RNF220: variants seen among roughly 807,000 people sequenced by gnomAD.
The protein encoded by RNF220 is E3 ubiquitin-protein ligase RNF220.
Under a neutral mutation model 67.1 loss-of-function variants are expected in RNF220, and 7 were observed. That is an observed-to-expected ratio of 0.10 (90% CI 0.06 to 0.20). RNF220 has a LOEUF of 0.20. Ranked by LOEUF, RNF220 falls within the 10% of genes least tolerant of loss-of-function variation. The pLI, the probability that RNF220 is intolerant of heterozygous loss-of-function variation, is 1.00. For missense variants in RNF220, 565 were observed against 740.3 expected, an observed-to-expected ratio of 0.76 and a Z score of 2.75; for synonymous variants, 270 against 283.2, an observed-to-expected ratio of 0.95 and a Z score of 0.47.
chr1:44,472,609 A>G (rs1319312433), intron 2 of RNF220, among the ~76,000 whole-genome samples: 1 of 152,156 alleles, frequency 6.6e-6, no homozygotes, highest in Admixed American at 6.5e-5. Context: ...ATGGTTCCCA[A>G]TTGCCTACAG....
At position 44,615,963 on chromosome 1, in the gene RNF220, C is replaced by T. The variant is rs775427192; in HGVS notation, c.758+1666C>T. Among the ~76,000 whole-genome samples the T allele has an allele frequency of 2.6e-5, 4 of 152,180 alleles. No homozygotes were observed. The East Asian group carries it at 5.8e-4, about 22-fold the overall frequency. On this transcript the variant is annotated intron_variant, in intron 3 of 14. Transcript: ENST00000361799. ...GCAGTCAAGATGTCAACCAAGGCAA[C>T]GGTCATCTGAAGATCTGACTGGGAC...
chr1:44,597,779 T>G (rs912318422), intron 2 of RNF220, among the ~76,000 whole-genome samples: 1 of 152,070 alleles, frequency 6.6e-6, no homozygotes, highest in African/African-American at 2.4e-5. Context: ...CACTTCTTGG[T>G]CTTTCTCACT....
chr1:44,474,009 G>A (rs1401160927), intron 2 of RNF220, among the ~76,000 whole-genome samples: 1 of 151,964 alleles, frequency 6.6e-6, no homozygotes, highest in African/African-American at 2.4e-5. Context: ...TCGGCCTTCT[G>A]TATTCACAGA....
In RNF220 at chr1:44,645,038, G is replaced by A. The variant is rs1291157237; in HGVS notation, c.1267G>A (p.Gly423Ser). 6.2e-7 allele frequency: 1 copy of A among 1,614,000 alleles called. No homozygotes were observed. The highest frequency in any genetic ancestry group is 2.2e-5 in the East Asian group (1 of 44,880). Residue 423 changes from glycine to serine, a missense_variant, in exon 10 of 15, where the codon GGT becomes AGT. Gly to Ser is a moderately conservative substitution (Grantham distance 56). Transcript: ENST00000361799. This position sits in a 1 kb window ranked among gnomAD's most constrained non-coding sequence, Gnocchi z 5.0. ...DVIPCTGEEP[G>S]EAKEREALRG... The stretch of plus-strand genomic sequence containing the variant: ...CATCCCCTGCACAGGCGAGGAGCCT[G>A]GTGAAGCCAAGGAGAGAGAGGCACT...
chr1:44,569,275 A>G (rs1367415198), intron 2 of RNF220, among the ~76,000 whole-genome samples: 1 of 152,188 alleles, frequency 6.6e-6, no homozygotes, highest in Non-Finnish European at 1.5e-5. Flanking sequence ...CGTCTTTCCT[A>G]CTGAAAGGAG....
intron 2 of RNF220, among the ~76,000 whole-genome samples, chr1:44,432,743 T>C (rs907835852): frequency 6.6e-6 from 1 of 152,162 alleles, no homozygotes; most frequent in African/African-American, 2.4e-5. Flanking sequence ...CAAAACGCTC[T>C]GGTCTGCTTT....
intron 3 of RNF220, among the ~76,000 whole-genome samples, chr1:44,619,055 C>T (rs1027708660): frequency 7.1e-6 from 1 of 141,014 alleles, no homozygotes; most frequent in African/African-American, 2.7e-5. Context: ...CAGGCAGGGA[C>T]ATAGATAGAT....
intron 2 of RNF220, among the ~76,000 whole-genome samples, chr1:44,463,883 T>C (rs1337300664): frequency 1.3e-5 from 2 of 152,110 alleles, no homozygotes; most frequent in Non-Finnish European, 2.9e-5. Context: ...AGGGACAGAG[T>C]CTTTCCTTTT....
At chr1:44,456,453 A>G (rs965877903) in intron 2 of RNF220, among the ~76,000 whole-genome samples, 1 of 152,214 alleles carries the variant, frequency 6.6e-6, no homozygotes, top group Non-Finnish European at 1.5e-5. Flanking sequence ...TATAAATGTC[A>G]TGTGAGAAAT....
Position 44,632,336 on chromosome 1 carries a change from C to T in RNF220, c.907-7C>T, listed in dbSNP as rs759350187. 10 of 1,614,040 alleles carry T rather than the reference C, an allele frequency of 6.2e-6. No individual in the cohort carries two copies. The highest frequency in any genetic ancestry group is 8.5e-6 in the Non-Finnish European group (10 of 1,180,032). The stretch of plus-strand genomic sequence containing the variant: ...TTTTCTTGCATCTGCCCGCGATCTT[C>T]TCCCAGACCTTTCTGCGAGTACGAG... On this transcript the variant is annotated splice_region_variant and splice_polypyrimidine_tract_variant and intron_variant, in intron 5 of 14. Transcript: ENST00000361799.
intron 2 of RNF220, among the ~76,000 whole-genome samples, chr1:44,559,716 G>A (rs185440364): frequency 6.6e-6 from 1 of 152,356 alleles, no homozygotes; most frequent in East Asian, 1.9e-4. Context: ...TGCGCAGTGT[G>A]CGAGGGAGCT....
chr1:44,434,703 C>T (rs1456421479), intron 2 of RNF220, among the ~76,000 whole-genome samples: 4 of 134,834 alleles, frequency 3.0e-5, no homozygotes, highest in South Asian at 2.5e-4. Context: ...GGCGACAGAG[C>T]GAGACTCTCT....
chr1:44,448,777 A>C (rs1652362449), intron 2 of RNF220, among the ~76,000 whole-genome samples: 1 of 152,216 alleles, frequency 6.6e-6, no homozygotes, highest in Admixed American at 6.5e-5. Context: ...TTTAAGACCC[A>C]CAATTCAAAA....
intron 2 of RNF220, among the ~76,000 whole-genome samples, chr1:44,498,863 C>T (rs935573391): frequency 6.6e-6 from 1 of 152,170 alleles, no homozygotes; most frequent in Non-Finnish European, 1.5e-5. Flanking sequence ...CTCAGATAAT[C>T]GTTTTCAATA....
chr1:44,586,657 C>T (rs1275325920), intron 2 of RNF220, among the ~76,000 whole-genome samples: 1 of 152,160 alleles, frequency 6.6e-6, no homozygotes, highest in Non-Finnish European at 1.5e-5. Flanking sequence ...GCGGCAAGGT[C>T]CAGGGAAGGG....
At position 44,627,344 on chromosome 1, in the gene RNF220, CAAAAAAAAAAAAAA is replaced by C. The variant is rs35722890; in HGVS notation, c.906+959_906+972del. ...TGGGTGACAGAGCAAGACTCCGTCT[CAAAAAAAAAAAAAA>C]AAAAAAAAAAAAGCGTGATACCTTA... On this transcript the variant is annotated intron_variant, in intron 5 of 14. Transcript: ENST00000361799. Among the ~76,000 whole-genome samples, 3 of 42,276 alleles carry C rather than the reference CAAAAAAAAAAAAAA, an allele frequency of 7.1e-5. No individual in the cohort carries two copies. The East Asian group carries it at 2.8e-3, about 40-fold the overall frequency. The allele number at this position is 42,276 out of a possible 152,430, so 27.7% of individuals were successfully genotyped here. A position where few individuals can be genotyped will look rare whatever the true frequency, so the allele number is the denominator to read the frequency against.
At chr1:44,461,306 T>G (rs1235072866) in intron 2 of RNF220, among the ~76,000 whole-genome samples, 1 of 152,342 alleles carries the variant, frequency 6.6e-6, no homozygotes, top group Non-Finnish European at 1.5e-5. Context: ...CTTACTTGCA[T>G]GAACTCCTTT....
chr1:44,507,881 A>C (rs1658584921), intron 2 of RNF220, among the ~76,000 whole-genome samples: 2 of 150,240 alleles, frequency 1.3e-5, no homozygotes, highest in African/African-American at 2.5e-5. Context: ...CCCTCACCAC[A>C]CTCCCCCTTC....
At chr1:44,532,133 C>T (rs1660883413) in intron 2 of RNF220, among the ~76,000 whole-genome samples, 1 of 152,086 alleles carries the variant, frequency 6.6e-6, no homozygotes, top group African/African-American at 2.4e-5. Flanking sequence ...TTACAACGGG[C>T]CTTCACATAC....
Sources: allele counts gnomAD v4.1 joint callset (sites outside exome capture counted in the v4.1 genomes callset), GRCh38; gene constraint gnomAD v4.1.1; non-coding constraint Gnocchi (gnomAD v3.1); transcripts MANE v1.5; gene names NCBI Gene and HGNC (gene_info 2026-07-23, HGNC 2026-07-21).